TCF7L2: variants seen among roughly 807,000 people sequenced by gnomAD.
TCF7L2 encodes transcription factor 7-like 2.
Under a neutral mutation model 77.9 loss-of-function variants are expected in TCF7L2, and 23 were observed. The ratio of observed to expected loss-of-function variants is 0.30; its 90% CI spans 0.21 to 0.42. The LOEUF (loss-of-function observed/expected upper bound fraction) is 0.42, where lower values mean the gene tolerates loss of function less well. Among genes scored for constraint, TCF7L2 ranks in the 10% least tolerant of loss-of-function variants. The pLI is 1.00. For missense variants in TCF7L2, 654 were observed against 793.1 expected (o/e 0.82, Z 2.11); for synonymous variants, 413 against 340.2 (o/e 1.21, Z -2.36).
chr10:113,034,144 A>T (rs556347421), intron 4 of TCF7L2, among the ~76,000 whole-genome samples: 1 of 152,330 alleles, frequency 6.6e-6, no homozygotes, highest in Admixed American at 6.5e-5. Flanking sequence ...TTTAACAGAA[A>T]TGTTTGTGTC....
intron 5 of TCF7L2, among the ~76,000 whole-genome samples, chr10:113,116,898 C>G (rs1239812105): frequency 6.6e-6 from 1 of 152,082 alleles, no homozygotes; most frequent in Non-Finnish European, 1.5e-5. Context: ...GCTTTCTTGT[C>G]CATAAATTGT....
intron 5 of TCF7L2, among the ~76,000 whole-genome samples, chr10:113,135,790 C>A (rs1002964257): frequency 3.9e-5 from 6 of 152,152 alleles, no homozygotes; most frequent in Non-Finnish European, 7.3e-5. Flanking sequence ...GGCATTGTGG[C>A]TAAGGCAGGG....
chr10:112,958,922 A>T (rs1021526754), intron 3 of TCF7L2, among the ~76,000 whole-genome samples: 1 of 152,182 alleles, frequency 6.6e-6, no homozygotes, highest in Non-Finnish European at 1.5e-5. Context: ...CATCATTTTA[A>T]GAGTTTTAGT....
chr10:113,132,431 C>T (rs1188104514), intron 5 of TCF7L2, among the ~76,000 whole-genome samples: 1 of 152,102 alleles, frequency 6.6e-6, no homozygotes, highest in Non-Finnish European at 1.5e-5. Flanking sequence ...TTCTTTAATT[C>T]CCCAGGATGT....
intron 5 of TCF7L2, among the ~76,000 whole-genome samples, chr10:113,076,184 C>G (rs1025749017): frequency 9.3e-5 from 14 of 150,558 alleles, no homozygotes; most frequent in African/African-American, 3.2e-4. Flanking sequence ...GTCACCCAGG[C>G]TGGGATATAC....
rs2043119592 is a variant in TCF7L2 at position 112,994,425 on chromosome 10, AAAT to A, written c.450+29806_450+29808del. ...CAGTATGTCATTCCTTTTTATGGCC[AAAT>A]AATATTTTATTGTATGGATAGACAT... On this transcript the variant is annotated intron_variant, in intron 4 of 13. Coordinates refer to ENST00000627217, the MANE Select transcript of TCF7L2 (RefSeq NM_001146274.2). Among the ~76,000 whole-genome samples, 4 of 152,318 alleles carry A rather than the reference AAAT, an allele frequency of 2.6e-5. No individual in the cohort carries two copies. The South Asian group carries it at 8.3e-4, about 32-fold the overall frequency.
At chr10:113,099,247 G>A (rs1224534443) in intron 5 of TCF7L2, among the ~76,000 whole-genome samples, 2 of 152,224 alleles carry the variant, frequency 1.3e-5, no homozygotes, top group Admixed American at 6.5e-5. Context: ...AGTGAAAACG[G>A]CTTTTGGAGT....
In TCF7L2 at chr10:112,977,473, G is replaced by A. The variant is rs563652337; in HGVS notation, c.450+12849G>A. Among the ~76,000 whole-genome samples, 15 of 152,300 alleles carry A rather than the reference G, an allele frequency of 9.8e-5. No homozygotes were observed. The East Asian group carries it at 1.3e-3, about 14-fold the overall frequency. Reference sequence around the variant, plus strand: ...GGGAGCAGACATTGACATACGGGCCGTCATCAAACTAATTGTTGTTTGAAT... The same window carrying A: ...GGGAGCAGACATTGACATACGGGCCATCATCAAACTAATTGTTGTTTGAAT... On this transcript the variant is annotated intron_variant, in intron 4 of 13. Coordinates refer to ENST00000627217, the MANE Select transcript of TCF7L2 (RefSeq NM_001146274.2).
intron 4 of TCF7L2, among the ~76,000 whole-genome samples, chr10:112,967,727 C>G (rs895618959): frequency 3.9e-5 from 6 of 151,976 alleles, no homozygotes; most frequent in Admixed American, 1.3e-4. Context: ...CCTCCGCCTC[C>G]CAGGTTCAAG....
At position 113,126,889 on chromosome 10, in the gene TCF7L2, C is replaced by T. The variant is rs1024417891; in HGVS notation, c.553-14295C>T. The T allele has an allele frequency of 1.8e-4, 175 of 985,174 alleles. 1 individual carries two copies. The African/African-American group carries it at 2.9e-3, about 16-fold the overall frequency. 61.0% of individuals were successfully genotyped at this position (985,174 alleles called of 1,614,324 possible). On this transcript the variant is annotated intron_variant, in intron 5 of 13. Coordinates refer to ENST00000627217, the MANE Select transcript of TCF7L2 (RefSeq NM_001146274.2). ...CGCAACCCTCTCTAGATGGTAAGCGCGGCCGGCGGCGGGCGGGCGGGCAGG... is the reference window on the plus strand; with the variant it reads ...CGCAACCCTCTCTAGATGGTAAGCGTGGCCGGCGGCGGGCGGGCGGGCAGG...
intron 11 of TCF7L2, among the ~76,000 whole-genome samples, chr10:113,154,599 T>G (rs1252836792): frequency 3.3e-5 from 5 of 152,142 alleles, no homozygotes; most frequent in Admixed American, 3.3e-4. Context: ...CTGTGATAGC[T>G]TCAAAAGAAT....
intron 4 of TCF7L2, among the ~76,000 whole-genome samples, chr10:113,003,639 A>G (rs1231018772): frequency 6.6e-6 from 1 of 152,224 alleles, no homozygotes; most frequent in African/African-American, 2.4e-5. Context: ...CTTTGTGCCA[A>G]CCACTGAGCA....
intron 5 of TCF7L2, among the ~76,000 whole-genome samples, chr10:113,073,435 G>A (rs1234480220): frequency 1.4e-5 from 2 of 147,384 alleles, no homozygotes; most frequent in Non-Finnish European, 3.0e-5. Context: ...GGAGGCTGAG[G>A]CAGAAGGATC....
At chr10:113,133,798 G>GAGAGAA (rs933239269) in intron 5 of TCF7L2, among the ~76,000 whole-genome samples, 12 of 152,292 alleles carry the variant, frequency 7.9e-5, no homozygotes, top group Non-Finnish European at 1.5e-4. Flanking sequence ...GAGGGAGAGG[G>GAGAGAA]AGAGAAATAA....
chr10:113,144,128 GTGTGTGTGTA>G (rs761647246), intron 7 of TCF7L2, 103 bp downstream of exon 7: 151 of 797,586 alleles, frequency 1.9e-4, no homozygotes, highest in African/African-American at 3.4e-4. Context: ...GTGTGTGTGT[GTGTGTGTGTA>G]TGTGTGTGTG....
intron 5 of TCF7L2, among the ~76,000 whole-genome samples, chr10:113,094,169 C>G (rs910505406): frequency 6.6e-6 from 1 of 152,214 alleles, no homozygotes; most frequent in Admixed American, 6.5e-5. Flanking sequence ...CTAGAAATTT[C>G]AGGGAAGAAG....
chr10:113,012,607 G>A (rs1156514245), intron 4 of TCF7L2, among the ~76,000 whole-genome samples: 3 of 152,188 alleles, frequency 2.0e-5, no homozygotes, highest in Admixed American at 6.5e-5. Context: ...TCTCTGCTCT[G>A]TGATGAAAGG....
At chr10:113,033,608 T>G (rs771816205) in intron 4 of TCF7L2, among the ~76,000 whole-genome samples, 4 of 152,174 alleles carry the variant, frequency 2.6e-5, no homozygotes, top group Non-Finnish European at 5.9e-5. Flanking sequence ...CCTTCTGAGA[T>G]CTTTGGTTTT....
At chr10:113,085,226 ATTT>A (rs397702488) in intron 5 of TCF7L2, among the ~76,000 whole-genome samples, 5 of 139,668 alleles carry the variant, frequency 3.6e-5, no homozygotes, top group Non-Finnish European at 6.2e-5. Flanking sequence ...ACATCTGGCT[ATTT>A]TTTTTTTTTT....
Sources: gnomAD v4.1 joint callset for allele counts (sites outside exome capture counted in the v4.1 genomes callset) on GRCh38, gnomAD v4.1.1 for gene constraint, MANE v1.5 for transcripts, NCBI Gene and HGNC (gene_info 2026-07-23, HGNC 2026-07-21) for gene names.